ANO9: variants seen among roughly 807,000 people sequenced by gnomAD.
ANO9 encodes the protein anoctamin 9.
Under a neutral mutation model 100.5 loss-of-function variants are expected in ANO9, and 80 were observed. That is an observed-to-expected ratio of 0.80 (90% CI 0.66 to 0.96). The LOEUF (loss-of-function observed/expected upper bound fraction) is 0.96, where lower values mean the gene tolerates loss of function less well. Among genes scored for constraint, ANO9 ranks in the 40% least tolerant of loss-of-function variants. The probability of loss-of-function intolerance (pLI) is 0.00; values close to 1 mark genes in which losing one functional copy is unlikely to be tolerated. For synonymous variants in ANO9, 473 were observed against 435.6 expected (o/e 1.09, Z -1.07); for missense variants, 1,064 against 1,072.7 (o/e 0.99, Z 0.11).
In ANO9 at chr11:421,190, C is replaced by A; in HGVS notation, c.1343G>T (p.Gly448Val). The part of the protein sequence containing the change: ...YIAFILGRIN[G>V]HPGKSTRLAG... ...CAGGCGCGTGGACTTCCCGGGGTGG[C>A]CGTTGATCCTGGGGAGGAAGGGGAA... The change falls in exon 16 of 23, where the codon GGC (glycine) becomes GTC (valine). Residue 448 changes from glycine to valine, a missense_variant. Coordinates refer to ENST00000332826, the MANE Select transcript of ANO9 (RefSeq NM_001012302.3). This position sits in a 1 kb window ranked among gnomAD's most constrained non-coding sequence, Gnocchi z 6.8. 6.4e-7 allele frequency: 1 copy of A among 1,550,804 alleles called. No homozygotes were observed. Among genetic ancestry groups the A allele is most frequent in the Non-Finnish European group, 8.7e-7 (1 of 1,145,444 alleles).
At chr11:438,220 C>T (rs1845527844) in intron 1 of ANO9, among the ~76,000 whole-genome samples, 1 of 151,984 alleles carries the variant, frequency 6.6e-6, no homozygotes, top group Admixed American at 6.5e-5. Flanking sequence ...GAGCCCTCCC[C>T]CCAGGGCAGA....
intron 3 of ANO9, 127 bp downstream of exon 3, chr11:433,688 C>T (rs1429390794): frequency 1.3e-5 from 19 of 1,438,962 alleles, no homozygotes; most frequent in Admixed American, 5.4e-5. Context: ...CCTGGCCCTC[C>T]GTGCCGCCAT....
At chr11:434,154 C>T in intron 1 of ANO9, 56 bp from the exon 2 acceptor site, 3 of 1,533,968 alleles carry the variant, frequency 2.0e-6, no homozygotes, top group East Asian at 4.9e-5. Context: ...GGCTAGATGC[C>T]CCTCATTGGC....
At chr11:429,060 G>A (rs1409570554) in intron 11 of ANO9, among the ~76,000 whole-genome samples, 27 of 118,894 alleles carry the variant, frequency 2.3e-4, no homozygotes, top group Admixed American at 3.5e-4. Flanking sequence ...ACAGGGACAC[G>A]CCTCACGGGT....
intron 1 of ANO9, among the ~76,000 whole-genome samples, chr11:435,985 C>T (rs375158049): frequency 6.7e-6 from 1 of 149,966 alleles, no homozygotes; most frequent in Admixed American, 6.7e-5. Flanking sequence ...GACACGCCTA[C>T]ACCAAAAATG....
chr11:429,511 T>C (rs1590460654), intron 11 of ANO9, 59 bp downstream of exon 11: 19 of 1,597,584 alleles, frequency 1.2e-5, no homozygotes, highest in Non-Finnish European at 1.6e-5. Context: ...GTGCAGGGCA[T>C]CGGGCGCCAA....
In ANO9 at chr11:419,884, C is replaced by T; in HGVS notation, c.1787-155G>A. Reference sequence around the variant, plus strand: ...GCAGTATTCACAAGGAAGTCCCCAGCCATGGCAGAGCATGGCCTCTGCGCT... The same window carrying T: ...GCAGTATTCACAAGGAAGTCCCCAGTCATGGCAGAGCATGGCCTCTGCGCT... On this transcript the variant is annotated intron_variant, in intron 19 of 22. Coordinates refer to ENST00000332826, the MANE Select transcript of ANO9 (RefSeq NM_001012302.3). The T allele has an allele frequency of 4.2e-6, 6 of 1,432,658 alleles. No homozygotes were observed. In the South Asian group the frequency reaches 8.6e-5, roughly 21 times the overall value. 88.7% of individuals were successfully genotyped at this position (1,432,658 alleles called of 1,614,324 possible).
chr11:420,495 C>G lies in ANO9; in HGVS notation c.1754G>C (p.Arg585Pro), dbSNP rs749794884. The change falls in exon 19 of 23, where the codon CGG (arginine) becomes CCG (proline). Residue 585 changes from arginine to proline, a missense_variant. Transcript: ENST00000332826. The part of the protein sequence containing the change: ...LDAIKMVWLQ[R>P]RLVPRKAKDI... ...CTTGGCCTTGCGCGGCACCAGGCGC[C>G]GCTGCAACCAGACCATCTTGATGGC... is the stretch of plus-strand genomic sequence containing the variant. 1.2e-6 allele frequency: 2 copies of G among 1,604,080 alleles called. No homozygotes were observed. Among genetic ancestry groups the G allele is most frequent in the Non-Finnish European group, 1.7e-6 (2 of 1,179,570 alleles).
Position 418,233 on chromosome 11 carries a change from A to T in ANO9, c.*138T>A. The stretch of plus-strand genomic sequence containing the variant: ...ATAGGGTGGCAGCTCACAGCCCTGA[A>T]CATACAGGGGATTCCTGCGGCCCCA... On this transcript the variant is annotated 3_prime_UTR_variant, in exon 23 of 23. Transcript: ENST00000332826. 1 of 870,848 alleles carries T rather than the reference A, an allele frequency of 1.1e-6. No homozygotes were observed. Among genetic ancestry groups the T allele is most frequent in the Admixed American group, 2.9e-5 (1 of 34,480 alleles). 53.9% of individuals were successfully genotyped at this position (870,848 alleles called of 1,614,324 possible).
rs1376912602 is a variant in ANO9 at position 418,370 on chromosome 11, C to A, written c.*1G>T. The A allele has an allele frequency of 4.4e-6, 7 of 1,603,220 alleles. No individual in the cohort carries two copies. The highest frequency in any genetic ancestry group is 6.0e-6 in the Non-Finnish European group (7 of 1,175,462). Reference sequence around the variant, plus strand: ...TGGTGGCCTCTGGACGGGCTCTGGCCCTACACGTCTGTGCTCCTGGCACTG... The same window carrying A: ...TGGTGGCCTCTGGACGGGCTCTGGCACTACACGTCTGTGCTCCTGGCACTG... On this transcript the variant is annotated 3_prime_UTR_variant, in exon 23 of 23. Transcript: ENST00000332826.
In ANO9 at chr11:418,385, T is replaced by A. The variant is rs751885094; in HGVS notation, c.2335A>T (p.Ser779Cys). The A allele has an allele frequency of 3.7e-6, 6 of 1,610,556 alleles. No homozygotes were observed. The highest frequency in any genetic ancestry group is 3.4e-6 in the Non-Finnish European group (4 of 1,178,922). The change falls in exon 23 of 23, where the codon AGC (serine) becomes TGC (cysteine). Residue 779 changes from serine to cysteine, a missense_variant. By Grantham distance (112) the Ser-to-Cys change is moderately radical. Transcript: ENST00000332826. ...PTPASIFSAR[S>C]TDV ...GGGCTCTGGCCCTACACGTCTGTGC[T>A]CCTGGCACTGAAGATGGATGCTGGG...
At position 428,561 on chromosome 11, in the gene ANO9, C is replaced by G. The variant is rs781594170; in HGVS notation, c.1099G>C (p.Val367Leu). 2 of 1,612,682 alleles carry G rather than the reference C, an allele frequency of 1.2e-6. No homozygotes were observed. Among genetic ancestry groups the G allele is most frequent in the South Asian group, 1.1e-5 (1 of 91,088 alleles). The change falls in exon 13 of 23, where the codon GTG becomes CTG. Residue 367 changes from valine (V) to leucine (L), a missense_variant. Val to Leu is a conservative substitution (Grantham distance 32, BLOSUM62 1). Transcript: ENST00000332826. Reference protein sequence around the residue: ...LASALFSSSAVPFLEEQVTTA... With the variant: ...LASALFSSSALPFLEEQVTTA... The stretch of plus-strand genomic sequence containing the variant: ...GTCACCTGCTCCTCCAGGAAGGGCA[C>G]GGCCGAGCTGCTGAAGAGCGCGGAG...
At chr11:441,122 G>A (rs1009634318) in intron 1 of ANO9, among the ~76,000 whole-genome samples, 24 of 152,320 alleles carry the variant, frequency 1.6e-4, no homozygotes, top group African/African-American at 4.1e-4. Context: ...AGCCCTGGGC[G>A]GAGATGGAGC....
In ANO9 at chr11:418,121, C is replaced by T. The variant is rs1404957018; in HGVS notation, c.*250G>A. On this transcript the variant is annotated 3_prime_UTR_variant, in exon 23 of 23. Transcript: ENST00000332826. The stretch of plus-strand genomic sequence containing the variant: ...GTGGCTGCCTGAGGAGCCCTCACTC[C>T]CAGTTCTGTGGGTGCCCAGGGTCAC... The T allele has an allele frequency of 6.2e-6, 3 of 481,030 alleles. No individual in the cohort carries two copies. Among genetic ancestry groups the T allele is most frequent in the Non-Finnish European group, 1.1e-5 (3 of 273,136 alleles). The allele number at this position is 481,030 out of a possible 1,614,324, so 29.8% of individuals were successfully genotyped here. A position where few individuals can be genotyped will look rare whatever the true frequency, so the allele number is the denominator to read the frequency against.
In ANO9 at chr11:428,630, T is replaced by C. The variant is rs376108371; in HGVS notation, c.1030A>G (p.Met344Val). 2.3e-5 allele frequency: 37 copies of C among 1,611,788 alleles called. No homozygotes were observed. Among genetic ancestry groups the C allele is most frequent in the Non-Finnish European group, 2.8e-5 (33 of 1,179,430 alleles). ...LVLTLLMICL[M>V]IGMAHVLVVY... ...ACCAGGACGTGGGCCATGCCGATCA[T>C]GAGGCAGATCTGCGGGACAGCTGTG... The change falls in exon 13 of 23, where the codon ATG becomes GTG. Residue 344 changes from methionine to valine, a missense_variant. Met to Val is a conservative substitution (Grantham distance 21). Transcript: ENST00000332826.
At chr11:429,302 A>G (rs1440915609) in intron 11 of ANO9, among the ~76,000 whole-genome samples, 2 of 140,758 alleles carry the variant, frequency 1.4e-5, no homozygotes, top group African/African-American at 2.7e-5. Context: ...GGAGACAGAC[A>G]TGGGACACGC....
chr11:419,841 C>T (rs1470503647), intron 19 of ANO9, 112 bp from the exon 20 acceptor site: 1 of 1,516,808 alleles, frequency 6.6e-7, no homozygotes, highest in East Asian at 2.3e-5. Flanking sequence ...CGTGGTGTCC[C>T]CTTGCAGCCC....
rs552358650 is a variant in ANO9, at chr11:433,559, C to A, written c.205-100G>T. 12 of 1,478,446 alleles carry A rather than the reference C, an allele frequency of 8.1e-6. No individual in the cohort carries two copies. In the Admixed American group the frequency reaches 1.4e-4, roughly 17 times the overall value. The allele number at this position is 1,478,446 out of a possible 1,614,324, so 91.6% of individuals were successfully genotyped here. ...CTATTCCACCTCAGAACCCTCCCCC[C>A]TCTATTCCGCCTCAGAACCCTCCCT... On this transcript the variant is annotated intron_variant, in intron 3 of 22. Transcript: ENST00000332826.
rs1188576464 is a variant in ANO9, at chr11:418,561, G to A, written c.2159C>T (p.Ala720Val). ...EHVALCIKLI[A>V]AWFVPDIPQS... is the part of the protein sequence containing the mutation. ...AGGGATGTCGGGCACGAACCAGGCG[G>A]CGATGAGCTTGATGCACAAGGCCAC... Residue 720 changes from alanine (A) to valine (V), a missense_variant, in exon 23 of 23, where the codon GCC becomes GTC. By Grantham distance (64) the Ala-to-Val change is moderately conservative. Transcript: ENST00000332826. 1 of 1,612,930 alleles carries A rather than the reference G, an allele frequency of 6.2e-7. No individual in the cohort carries two copies. The highest frequency in any genetic ancestry group is 1.3e-5 in the African/African-American group (1 of 74,932).
Sources: gnomAD v4.1 joint callset for allele counts (sites outside exome capture counted in the v4.1 genomes callset) on GRCh38, gnomAD v4.1.1 for gene constraint, Gnocchi (gnomAD v3.1) non-coding constraint, MANE v1.5 for transcripts, NCBI Gene and HGNC (gene_info 2026-07-23, HGNC 2026-07-21) for gene names.